TBCD: variants seen among roughly 807,000 people sequenced by gnomAD.
TBCD encodes tubulin folding cofactor D.
In TBCD, 105 loss-of-function variants were observed where a neutral mutation model predicts 169.3. That is an observed-to-expected ratio of 0.62 (90% CI 0.53 to 0.73). The LOEUF (loss-of-function observed/expected upper bound fraction) is 0.73. Among genes scored for constraint, TBCD ranks in the 30% least tolerant of loss-of-function variants. The pLI, the probability that TBCD is intolerant of heterozygous loss-of-function variation, is 0.00. For missense variants in TBCD, 1,444 were observed against 1,600.1 expected (o/e 0.90, Z 1.66); for synonymous variants, 700 against 643.9 (o/e 1.09, Z -1.32).
chr17:82,846,880 G>A (rs1043343773), intron 13 of TBCD, among the ~76,000 whole-genome samples: 7 of 143,858 alleles, frequency 4.9e-5, no homozygotes, highest in African/African-American at 1.0e-4. Flanking sequence ...GCCGGGCCTC[G>A]GGTGTCTGGT....
At chr17:82,858,782 G>C in intron 13 of TBCD, 1 of 451,150 alleles carries the variant, frequency 2.2e-6, no homozygotes. Flanking sequence ...CTGCTCAGCC[G>C]GTCCATGGCT....
chr17:82,902,422 C>T (rs1035512176), intron 18 of TBCD, among the ~76,000 whole-genome samples: 7 of 152,242 alleles, frequency 4.6e-5, no homozygotes, highest in African/African-American at 9.6e-5. Context: ...GCATTGCCTC[C>T]GCTTCTCAGG....
intron 13 of TBCD, among the ~76,000 whole-genome samples, chr17:82,867,253 C>T (rs902167728): frequency 9.9e-5 from 15 of 152,190 alleles, no homozygotes; most frequent in African/African-American, 1.7e-4. Flanking sequence ...ATGCGTTGGG[C>T]GTGCAGGAGG....
At chr17:82,752,834 G>A (rs932045323) in intron 1 of TBCD, among the ~76,000 whole-genome samples, 3 of 152,176 alleles carry the variant, frequency 2.0e-5, no homozygotes, top group African/African-American at 4.8e-5. Context: ...AGGGAGATAG[G>A]GAATGAGAGA....
At chr17:82,804,091 C>T (rs1280746867) in intron 9 of TBCD, among the ~76,000 whole-genome samples, 1 of 66,862 alleles carries the variant, frequency 1.5e-5, no homozygotes, top group Non-Finnish European at 2.7e-5. Flanking sequence ...AGAGTGGGGG[C>T]TGGGGTGCAC....
intron 13 of TBCD, among the ~76,000 whole-genome samples, chr17:82,844,918 T>TC (rs1269609289): frequency 2.0e-5 from 3 of 151,530 alleles, no homozygotes; most frequent in Admixed American, 6.6e-5. Context: ...GCCTGTGGAG[T>TC]CCCCCCACCC....
intron 22 of TBCD, among the ~76,000 whole-genome samples, chr17:82,910,036 C>T (rs1006800239): frequency 6.6e-6 from 1 of 152,230 alleles, no homozygotes; most frequent in African/African-American, 2.4e-5. Flanking sequence ...GCATGTACGG[C>T]GCCGTGTTAT....
At chr17:82,813,136 C>G (rs2051577429) in intron 12 of TBCD, among the ~76,000 whole-genome samples, 1 of 152,146 alleles carries the variant, frequency 6.6e-6, no homozygotes, top group African/African-American at 2.4e-5. Flanking sequence ...TTGTCTCTTT[C>G]ATTTTACACA....
At chr17:82,912,136 C>T (rs752638652) in intron 23 of TBCD, among the ~76,000 whole-genome samples, 14 of 151,786 alleles carry the variant, frequency 9.2e-5, no homozygotes, top group South Asian at 2.1e-4. Context: ...CCTCCGAGCA[C>T]GGCCCCAGCG....
chr17:82,888,225 T>G (rs2058887410), intron 15 of TBCD, among the ~76,000 whole-genome samples: 1 of 152,254 alleles, frequency 6.6e-6, no homozygotes, highest in South Asian at 2.1e-4. Context: ...CTGGTTGGTC[T>G]GCGTGTCTGT....
At chr17:82,759,430 T>G (rs1215938433) in intron 2 of TBCD, among the ~76,000 whole-genome samples, 1 of 151,976 alleles carries the variant, frequency 6.6e-6, no homozygotes, top group East Asian at 1.9e-4. Flanking sequence ...GAGGTAGCAG[T>G]GAACGAGATC....
intron 15 of TBCD, chr17:82,886,407 G>A: frequency 6.6e-6 from 1 of 151,918 alleles, no homozygotes; most frequent in East Asian, 1.9e-4. Flanking sequence ...ATGTCTCCCG[G>A]CGGGGAAGGA....
At position 82,889,817 on chromosome 17, in the gene TBCD, T is replaced by C; in HGVS notation, c.1563+120T>C. 1 of 1,176,526 alleles carries C rather than the reference T, an allele frequency of 8.5e-7. No individual in the cohort carries two copies. Among genetic ancestry groups the C allele is most frequent in the Non-Finnish European group, 1.2e-6 (1 of 823,830 alleles). The allele number at this position is 1,176,526 out of a possible 1,614,324, so 72.9% of individuals were successfully genotyped here. A position where few individuals can be genotyped will look rare whatever the true frequency, so the allele number is the denominator to read the frequency against. On this transcript the variant is annotated intron_variant, in intron 16 of 38. Transcript: ENST00000355528. The surrounding 1 kb of genome is among the most constrained non-coding windows in gnomAD (Gnocchi z 5.3). ...GTGAGATGTGGTGTGGCTACATCAA[T>C]GCCAGGGTCATGAGTTCACTATAGG...
At chr17:82,772,580 C>G (rs1301293538) in intron 6 of TBCD, 73 bp downstream of exon 6, 1 of 1,497,716 alleles carries the variant, frequency 6.7e-7, no homozygotes, top group East Asian at 2.3e-5. Flanking sequence ...GTACGTGTTT[C>G]ATGTGCGTCT....
chr17:82,752,134 C>T lies in TBCD; in HGVS notation c.-60C>T. On this transcript the variant is annotated 5_prime_UTR_variant, in exon 1 of 39. Transcript: ENST00000355528. ...TCATCCTTCATCCCTGGCTTTCGCGCTCTAGCGGAGTGGGATCTGCGAACA... is the reference window on the plus strand; with the variant it reads ...TCATCCTTCATCCCTGGCTTTCGCGTTCTAGCGGAGTGGGATCTGCGAACA... 4.9e-6 allele frequency: 7 copies of T among 1,440,014 alleles called. No individual in the cohort carries two copies. Among genetic ancestry groups the T allele is most frequent in the Non-Finnish European group, 4.6e-6 (5 of 1,098,856 alleles). 89.2% of individuals were successfully genotyped at this position (1,440,014 alleles called of 1,614,324 possible).
At chr17:82,830,902 A>T in intron 13 of TBCD, 1 of 1,612,936 alleles carries the variant, frequency 6.2e-7, no homozygotes, top group Non-Finnish European at 8.5e-7. Flanking sequence ...GAAAAAGCTT[A>T]GTAGGAGCTT....
chr17:82,851,695 A>G (rs1040212061), intron 13 of TBCD, among the ~76,000 whole-genome samples: 15 of 152,242 alleles, frequency 9.9e-5, no homozygotes, highest in African/African-American at 3.6e-4. Context: ...CACAGAGCCA[A>G]ACGCAGCTCT....
rs1292477835 is a variant in TBCD at position 82,927,171 on chromosome 17, C to T, written c.2472-15C>T. 10 of 1,613,814 alleles carry T rather than the reference C, an allele frequency of 6.2e-6. No homozygotes were observed. The highest frequency in any genetic ancestry group is 8.5e-6 in the Non-Finnish European group (10 of 1,179,840). On this transcript the variant is annotated splice_polypyrimidine_tract_variant and intron_variant, in intron 28 of 38. Transcript: ENST00000355528. ...ACCGATGTTTGTTTGTTAGCTCACACATTTTAAATTTCAGGATTTGCCAGA... is the reference window on the plus strand; with the variant it reads ...ACCGATGTTTGTTTGTTAGCTCACATATTTTAAATTTCAGGATTTGCCAGA...
chr17:82,908,298 C>T (rs1273539169), intron 21 of TBCD: 4 of 456,776 alleles, frequency 8.8e-6, no homozygotes, highest in African/African-American at 2.0e-5. Flanking sequence ...GGTTTCCAGC[C>T]GTGCATCTGC....
Sources: gnomAD v4.1 joint callset for allele counts (sites outside exome capture counted in the v4.1 genomes callset) on GRCh38, gnomAD v4.1.1 for gene constraint, Gnocchi (gnomAD v3.1) non-coding constraint, MANE v1.5 for transcripts, NCBI Gene and HGNC (gene_info 2026-07-23, HGNC 2026-07-21) for gene names.